Variants in GALNT17 observed in about 807,000 individuals in gnomAD.
The protein encoded by GALNT17 is UDP-GalNAc:polypeptide N-acetylgalactosaminyltransferase-like 3.
A neutral mutation model predicts 63.7 loss-of-function variants in GALNT17; 29 were observed. That is an observed-to-expected ratio of 0.46 (90% CI 0.34 to 0.62). The LOEUF is 0.62. Ranked by LOEUF, GALNT17 falls within the 20% of genes least tolerant of loss-of-function variation. The pLI, the probability that GALNT17 is intolerant of heterozygous loss-of-function variation, is 0.01. For missense variants in GALNT17, 603 were observed against 799.6 expected (o/e 0.75, Z 2.97); for synonymous variants, 305 against 318.3 (o/e 0.96, Z 0.45).
chr7:71,566,979 G>A lies in GALNT17; in HGVS notation c.963-4306G>A, dbSNP rs138057077. On this transcript the variant is annotated intron_variant, in intron 5 of 10. Transcript: ENST00000333538. ...CCCCTCAGGAACTGCTCACGGTGGC[G>A]GCCTGAGCCCTGAACGCGTGTGAGC... Among the ~76,000 whole-genome samples, 199 of 152,204 alleles carry A rather than the reference G, an allele frequency of 1.3e-3. 1 individual carries two copies. Among genetic ancestry groups the A allele is most frequent in the Middle Eastern group, 6.8e-3 (2 of 294 alleles).
At chr7:71,223,123 C>G (rs1008348023) in intron 1 of GALNT17, among the ~76,000 whole-genome samples, 1 of 152,174 alleles carries the variant, frequency 6.6e-6, no homozygotes, top group Non-Finnish European at 1.5e-5. Flanking sequence ...TGTAAAGTTA[C>G]AGTGGAGTGT....
At chr7:71,567,343 G>A (rs1789365841) in intron 5 of GALNT17, among the ~76,000 whole-genome samples, 1 of 152,226 alleles carries the variant, frequency 6.6e-6, no homozygotes, top group Non-Finnish European at 1.5e-5. Context: ...TAAACACACA[G>A]AAGGGCACCT....
At chr7:71,162,148 C>CCTTCCTTT (rs1554334509) in intron 1 of GALNT17, among the ~76,000 whole-genome samples, 16 of 126,304 alleles carry the variant, frequency 1.3e-4, no homozygotes, top group African/African-American at 4.2e-4. Context: ...TTCCTTCCTT[C>CCTTCCTTT]CTTCCTTCCT....
At chr7:71,385,404 G>A (rs2116332418) in intron 2 of GALNT17, among the ~76,000 whole-genome samples, 1 of 152,336 alleles carries the variant, frequency 6.6e-6, no homozygotes, top group South Asian at 2.1e-4. Context: ...GGATGATGGT[G>A]ACGACAGAGT....
At chr7:71,451,882 T>C (rs986333614) in intron 5 of GALNT17, among the ~76,000 whole-genome samples, 1 of 152,120 alleles carries the variant, frequency 6.6e-6, no homozygotes, top group Non-Finnish European at 1.5e-5. Context: ...TTTCACCGAA[T>C]TGTGGTTTTT....
At chr7:71,165,821 G>C (rs1248454749) in intron 1 of GALNT17, among the ~76,000 whole-genome samples, 1 of 152,160 alleles carries the variant, frequency 6.6e-6, no homozygotes, top group Non-Finnish European at 1.5e-5. Flanking sequence ...AGGAGTTCAG[G>C]TCAAGCTAGT....
chr7:71,519,555 C>T lies in GALNT17; in HGVS notation c.963-51730C>T, dbSNP rs142638652. Among the ~76,000 whole-genome samples, 1,004 of 152,262 alleles carry T rather than the reference C, an allele frequency of 6.6e-3. 18 individuals carry two copies. The highest frequency in any genetic ancestry group is 0.023 in the African/African-American group (950 of 41,564). On this transcript the variant is annotated intron_variant, in intron 5 of 10. Coordinates refer to ENST00000333538, the MANE Select transcript of GALNT17 (RefSeq NM_022479.3). ...CTCAGCTCACTGCAACCTCCACCTCCCAGGTTCAAGTGATTCTTGTGCCTC... is the reference window on the plus strand; with the variant it reads ...CTCAGCTCACTGCAACCTCCACCTCTCAGGTTCAAGTGATTCTTGTGCCTC...
In GALNT17 at chr7:71,314,597, T is replaced by C. The variant is rs933148884; in HGVS notation, c.239-20953T>C. Among the ~76,000 whole-genome samples, 6 of 152,270 alleles carry C rather than the reference T, an allele frequency of 3.9e-5. No individual in the cohort carries two copies. The East Asian group carries it at 1.2e-3, about 29-fold the overall frequency. On this transcript the variant is annotated intron_variant, in intron 1 of 10. Coordinates refer to ENST00000333538, the MANE Select transcript of GALNT17 (RefSeq NM_022479.3). ...TGCTCCATGTTCTATTTTTGTTTTG[T>C]TTTTTTCTTTTCCATTGTTTTGTTG...
intron 5 of GALNT17, among the ~76,000 whole-genome samples, chr7:71,469,547 G>T (rs1446351159): frequency 6.6e-6 from 1 of 152,292 alleles, no homozygotes; most frequent in East Asian, 1.9e-4. Context: ...TGGAAGTGAG[G>T]TATAGAAACA....
chr7:71,603,515 A>G (rs901930596), intron 6 of GALNT17, among the ~76,000 whole-genome samples: 8 of 152,184 alleles, frequency 5.3e-5, no homozygotes, highest in South Asian at 2.1e-4. Context: ...ACTAAGTACT[A>G]TGCTGAGTGC....
intron 1 of GALNT17, among the ~76,000 whole-genome samples, chr7:71,275,843 C>T (rs1790672905): frequency 6.6e-6 from 1 of 152,168 alleles, no homozygotes; most frequent in Non-Finnish European, 1.5e-5. Context: ...CAAGTTGTGG[C>T]CCAGTTCTTT....
chr7:71,610,281 A>G (rs1047252563), intron 6 of GALNT17, among the ~76,000 whole-genome samples: 1 of 152,146 alleles, frequency 6.6e-6, no homozygotes, highest in Non-Finnish European at 1.5e-5. Context: ...GCTTGAGGTC[A>G]GGAGTTTGAG....
intron 1 of GALNT17, among the ~76,000 whole-genome samples, chr7:71,282,544 G>C (rs1383858427): frequency 2.0e-5 from 3 of 152,220 alleles, no homozygotes; most frequent in Admixed American, 2.0e-4. Flanking sequence ...GCTTCTGCCT[G>C]TTTAGACAAC....
chr7:71,435,078 G>A (rs1268371138), intron 5 of GALNT17, among the ~76,000 whole-genome samples: 1 of 152,130 alleles, frequency 6.6e-6, no homozygotes, highest in Non-Finnish European at 1.5e-5. Context: ...TATAATCCCA[G>A]CATTTTGGGA....
chr7:71,602,125 C>G (rs1246565709), intron 6 of GALNT17, among the ~76,000 whole-genome samples: 1 of 152,204 alleles, frequency 6.6e-6, no homozygotes, highest in African/African-American at 2.4e-5. Flanking sequence ...TCTTTCTTGT[C>G]CTAAACTTAT....
intron 1 of GALNT17, among the ~76,000 whole-genome samples, chr7:71,166,050 T>C (rs1459114817): frequency 6.6e-6 from 1 of 150,508 alleles, no homozygotes; most frequent in Non-Finnish European, 1.5e-5. Context: ...AGAAAGGTGC[T>C]TCCTGCATGT....
chr7:71,179,117 A>G (rs1240161845), intron 1 of GALNT17, among the ~76,000 whole-genome samples: 3 of 152,184 alleles, frequency 2.0e-5, no homozygotes, highest in African/African-American at 4.8e-5. Context: ...CCTAAGGGAA[A>G]GGGAAACGTC....
At chr7:71,557,496 T>G (rs565445167) in intron 5 of GALNT17, among the ~76,000 whole-genome samples, 2 of 152,278 alleles carry the variant, frequency 1.3e-5, no homozygotes, top group African/African-American at 4.8e-5. Context: ...ATTCATTCTT[T>G]CAAAGTTACC....
chr7:71,329,178 G>C (rs754370255), intron 1 of GALNT17, among the ~76,000 whole-genome samples: 6 of 152,118 alleles, frequency 3.9e-5, no homozygotes, highest in Non-Finnish European at 8.8e-5. Context: ...TTAAGTCAAA[G>C]GTCAGGAATT....
Sources: gnomAD v4.1 joint callset for allele counts (sites outside exome capture counted in the v4.1 genomes callset) on GRCh38, gnomAD v4.1.1 for gene constraint, MANE v1.5 for transcripts, NCBI Gene and HGNC (gene_info 2026-07-23, HGNC 2026-07-21) for gene names.